Variants in CEP112 observed in about 807,000 individuals in gnomAD.
The protein encoded by CEP112 is centrosomal protein of 112 kDa.
Under a neutral mutation model 153.0 loss-of-function variants are expected in CEP112, and 127 were observed. The observed-to-expected ratio is 0.83, with a 90% CI of 0.72 to 0.96. CEP112 has a LOEUF of 0.96. Among genes scored for constraint, CEP112 ranks in the 40% least tolerant of loss-of-function variants. CEP112 has a pLI of 0.00. For synonymous variants in CEP112, 358 were observed against 374.4 expected (o/e 0.96, Z 0.51); for missense variants, 1,089 against 1,101.2 (o/e 0.99, Z 0.16).
chr17:65,640,451 GC>G (rs2045070758), intron 25 of CEP112, among the ~76,000 whole-genome samples: 1 of 152,150 alleles, frequency 6.6e-6, no homozygotes, highest in African/African-American at 2.4e-5. Context: ...ACCATGCCCA[GC>G]CAAGAACCAC....
chr17:65,771,326 A>T (rs1464544969), intron 21 of CEP112, among the ~76,000 whole-genome samples: 1 of 152,158 alleles, frequency 6.6e-6, no homozygotes, highest in Non-Finnish European at 1.5e-5. Flanking sequence ...AATTGAATTC[A>T]TGAAAATGAT....
At chr17:65,971,266 A>C (rs2062777054) in intron 17 of CEP112, among the ~76,000 whole-genome samples, 1 of 152,234 alleles carries the variant, frequency 6.6e-6, no homozygotes, top group Non-Finnish European at 1.5e-5. Context: ...CGTACTGCAC[A>C]CATGTACAGC....
chr17:66,028,454 C>T, intron 14 of CEP112, 49 bp from the exon 15 acceptor site: 5 of 1,034,448 alleles, frequency 4.8e-6, no homozygotes, highest in Non-Finnish European at 6.9e-6. Flanking sequence ...ATTTTTGTAC[C>T]ATATTATACT....
chr17:65,926,419 A>T (rs2060925900), intron 19 of CEP112, among the ~76,000 whole-genome samples: 1 of 152,110 alleles, frequency 6.6e-6, no homozygotes, highest in Non-Finnish European at 1.5e-5. Context: ...CTTCTTCATA[A>T]GTCACTCTTC....
intron 17 of CEP112, among the ~76,000 whole-genome samples, chr17:66,004,672 G>A (rs758149158): frequency 1.3e-5 from 2 of 152,096 alleles, no homozygotes; most frequent in South Asian, 2.1e-4. Context: ...GCATTAAAAC[G>A]TTCTATTCAG....
At chr17:65,705,831 A>G (rs1337636762) in intron 23 of CEP112, among the ~76,000 whole-genome samples, 1 of 152,242 alleles carries the variant, frequency 6.6e-6, no homozygotes, top group Non-Finnish European at 1.5e-5. Context: ...TGGGATACTT[A>G]GTTATGAAGT....
chr17:66,100,201 C>T lies in CEP112; in HGVS notation c.643-3569G>A, dbSNP rs546289555. Among the ~76,000 whole-genome samples the T allele has an allele frequency of 7.5e-4, 114 of 151,970 alleles. 2 individuals carry two copies. The South Asian group carries it at 8.5e-3, about 11-fold the overall frequency. On this transcript the variant is annotated intron_variant, in intron 6 of 26. Transcript: ENST00000535342. Reference sequence around the variant, plus strand: ...GATCACAAGGTCAGGAGATCGAGACCATCCTGGCTAACACAGTGAAACCCC... The same window carrying T: ...GATCACAAGGTCAGGAGATCGAGACTATCCTGGCTAACACAGTGAAACCCC...
At chr17:65,710,032 T>C (rs2049097199) in intron 23 of CEP112, among the ~76,000 whole-genome samples, 1 of 152,166 alleles carries the variant, frequency 6.6e-6, no homozygotes, top group East Asian at 1.9e-4. Context: ...TCTTGAGCCC[T>C]ACCCCAGACT....
chr17:66,142,469 G>T (rs928072690), intron 4 of CEP112, among the ~76,000 whole-genome samples: 1 of 152,040 alleles, frequency 6.6e-6, no homozygotes, highest in South Asian at 2.1e-4. Context: ...TCTTCTAGTC[G>T]TTTACAGTTT....
At chr17:65,763,680 T>C (rs2052750428) in intron 21 of CEP112, among the ~76,000 whole-genome samples, 1 of 152,028 alleles carries the variant, frequency 6.6e-6, no homozygotes, top group Non-Finnish European at 1.5e-5. Context: ...AGAATTTCCA[T>C]CTCTCTGCTT....
At chr17:65,941,247 A>G (rs1599090496) in intron 18 of CEP112, among the ~76,000 whole-genome samples, 1 of 152,072 alleles carries the variant, frequency 6.6e-6, no homozygotes, top group Non-Finnish European at 1.5e-5. Context: ...AATAATAAAC[A>G]TTAAAATATT....
intron 21 of CEP112, among the ~76,000 whole-genome samples, chr17:65,847,596 C>T (rs1028303591): frequency 1.3e-5 from 2 of 152,158 alleles, no homozygotes; most frequent in Admixed American, 6.5e-5. Context: ...TCATGTCATA[C>T]CCGGAGGGCA....
intron 1 of CEP112, among the ~76,000 whole-genome samples, chr17:66,185,506 C>A (rs538013553): frequency 6.6e-6 from 1 of 152,318 alleles, no homozygotes; most frequent in African/African-American, 2.4e-5. Context: ...CAGGCATGAG[C>A]CACTGCGCCC....
intron 20 of CEP112, among the ~76,000 whole-genome samples, chr17:65,867,804 G>T (rs1203303354): frequency 2.6e-5 from 4 of 151,716 alleles, no homozygotes; most frequent in Non-Finnish European, 5.9e-5. Flanking sequence ...TTAGTTATAT[G>T]TCCCTAAAAT....
chr17:66,042,595 G>A (rs2066031846), intron 12 of CEP112, among the ~76,000 whole-genome samples: 1 of 152,016 alleles, frequency 6.6e-6, no homozygotes, highest in Admixed American at 6.6e-5. Flanking sequence ...AGGAAAGTAA[G>A]GAGGCCTAAC....
At chr17:65,924,866 T>C (rs781069414) in intron 19 of CEP112, among the ~76,000 whole-genome samples, 3 of 152,184 alleles carry the variant, frequency 2.0e-5, no homozygotes, top group East Asian at 1.9e-4. Context: ...ATTAGGAATA[T>C]ACTAAAGCCT....
At chr17:65,667,314 T>G (rs2046744235) in intron 24 of CEP112, among the ~76,000 whole-genome samples, 1 of 152,116 alleles carries the variant, frequency 6.6e-6, no homozygotes, top group South Asian at 2.1e-4. Context: ...GGGCTAATGG[T>G]TGAACAAGCT....
intron 24 of CEP112, among the ~76,000 whole-genome samples, chr17:65,669,482 T>C (rs1272593928): frequency 6.6e-6 from 1 of 152,036 alleles, no homozygotes; most frequent in Non-Finnish European, 1.5e-5. Context: ...GATGATATCA[T>C]TGAGGGAGAG....
At chr17:66,016,742 G>A (rs1342214319) in intron 16 of CEP112, among the ~76,000 whole-genome samples, 3 of 151,974 alleles carry the variant, frequency 2.0e-5, no homozygotes, top group African/African-American at 4.8e-5. Flanking sequence ...TCTATTTACT[G>A]TTGATTTTTT....
Sources: allele counts gnomAD v4.1 joint callset (sites outside exome capture counted in the v4.1 genomes callset), GRCh38; gene constraint gnomAD v4.1.1; transcripts MANE v1.5; gene names NCBI Gene and HGNC (gene_info 2026-07-23, HGNC 2026-07-21).